The following ALG9 variants were observed in gnomAD, a reference collection of about 807,000 sequenced individuals.
ALG9 encodes alpha-1,2-mannosyltransferase ALG9.
ALG9 carries 55 observed loss-of-function variants against 81.8 expected under a neutral mutation model. The ratio of observed to expected loss-of-function variants is 0.67; its 90% CI spans 0.54 to 0.84. ALG9 has a LOEUF of 0.84. ALG9 is among the 40% of genes least tolerant of loss of function. ALG9 has a pLI of 0.00. For synonymous variants in ALG9, 278 were observed against 274.3 expected (o/e 1.01, Z -0.13); for missense variants, 629 against 745.0 (o/e 0.84, Z 1.81).
chr11:111,790,086 T>C (rs1565584839), intron 14 of ALG9, among the ~76,000 whole-genome samples: 1 of 151,968 alleles, frequency 6.6e-6, no homozygotes. Context: ...TCAAAAACAC[T>C]AACTAGCAGC....
chr11:111,870,516 G>T, intron 1 of ALG9, 146 bp from the exon 2 acceptor site: 1 of 1,140,450 alleles, frequency 8.8e-7, no homozygotes. Context: ...TGAATAGCTA[G>T]TTGTTTTTTC....
intron 9 of ALG9, 102 bp downstream of exon 9, chr11:111,844,499 G>A (rs1555126987): frequency 1.2e-5 from 18 of 1,524,398 alleles, no homozygotes; most frequent in Middle Eastern, 1.7e-4. Context: ...TCCATAGGAA[G>A]AATGTGGAAA....
chr11:111,852,182 CATAGCAG>C (rs1957934351), intron 8 of ALG9, among the ~76,000 whole-genome samples: 1 of 152,204 alleles, frequency 6.6e-6, no homozygotes, highest in African/African-American at 2.4e-5. Flanking sequence ...TAACCTGCTT[CATAGCAG>C]AACCCCAAAG....
intron 14 of ALG9, among the ~76,000 whole-genome samples, chr11:111,809,328 G>A (rs546792183): frequency 1.3e-5 from 2 of 152,042 alleles, no homozygotes; most frequent in South Asian, 4.2e-4. Flanking sequence ...CAGGAGTTGG[G>A]AGACCAGCCT....
At chr11:111,867,479 A>C (rs782720984) in intron 3 of ALG9, among the ~76,000 whole-genome samples, 1 of 152,234 alleles carries the variant, frequency 6.6e-6, no homozygotes, top group South Asian at 2.1e-4. Flanking sequence ...AAAAAGGAGA[A>C]GGTCTCAGTA....
At chr11:111,871,148 C>A in intron 1 of ALG9, 1 of 1,272,694 alleles carries the variant, frequency 7.9e-7, no homozygotes, top group Non-Finnish European at 9.9e-7. Flanking sequence ...AGTTTTACAG[C>A]GCAGTGGAGG....
chr11:111,848,982 A>T lies in ALG9; in HGVS notation c.896-4259T>A, dbSNP rs111441697. On this transcript the variant is annotated intron_variant, in intron 8 of 14. Coordinates refer to ENST00000616540, the MANE Select transcript of ALG9 (RefSeq NM_024740.2). ...CTATTTGTGTGTCTGCAGCCTAATT[A>T]GACAGTAAGTACTATGATGAAACAA... Among the ~76,000 whole-genome samples, 980 of 152,262 alleles carry T rather than the reference A, an allele frequency of 6.4e-3. 11 individuals are homozygous for T. The highest frequency in any genetic ancestry group is 0.022 in the African/African-American group (914 of 41,542).
intron 14 of ALG9, among the ~76,000 whole-genome samples, chr11:111,797,196 C>T (rs979124471): frequency 2.0e-5 from 3 of 152,244 alleles, no homozygotes; most frequent in Non-Finnish European, 4.4e-5. Context: ...AGCTATTCAA[C>T]TGGCTTGCTG....
intron 8 of ALG9, among the ~76,000 whole-genome samples, chr11:111,846,722 G>A (rs1343684230): frequency 2.6e-5 from 4 of 152,194 alleles, no homozygotes; most frequent in African/African-American, 9.7e-5. Flanking sequence ...GGAACAAAAA[G>A]AGTGACTTCT....
the ALG9 span, among the ~76,000 whole-genome samples, chr11:111,768,335 T>C: frequency 6.6e-6 from 1 of 152,230 alleles, no homozygotes; most frequent in Non-Finnish European, 1.5e-5. Context: ...AATTGAATAG[T>C]ATTCATTTTG....
At chr11:111,836,042 C>T in intron 13 of ALG9, 123 bp downstream of exon 13, 4 of 1,327,868 alleles carry the variant, frequency 3.0e-6, no homozygotes, top group Non-Finnish European at 4.3e-6. Flanking sequence ...AGCCACAGCA[C>T]CCGGCCTTAA....
At chr11:111,770,138 T>G in the ALG9 span, among the ~76,000 whole-genome samples, 111 of 152,264 alleles carry the variant, frequency 7.3e-4, no homozygotes, top group East Asian at 9.4e-3. Context: ...AAAAGGCTAG[T>G]TCAAAACCTG....
At chr11:111,794,060 T>C (rs1328314817) in intron 14 of ALG9, among the ~76,000 whole-genome samples, 1 of 152,214 alleles carries the variant, frequency 6.6e-6, no homozygotes, top group East Asian at 1.9e-4. Flanking sequence ...GGCAAAGCAA[T>C]TGCCTGCACA....
chr11:111,775,608 C>T, the ALG9 span, among the ~76,000 whole-genome samples: 15 of 152,178 alleles, frequency 9.9e-5, no homozygotes, highest in African/African-American at 3.1e-4. Flanking sequence ...AAAACTGAAA[C>T]AAGTGCCTGT....
chr11:111,870,382 C>CCAAAAAACAA lies in ALG9; in HGVS notation c.132-13_132-12insTTGTTTTTTG. 1 of 969,600 alleles carries CCAAAAAACAA rather than the reference C, an allele frequency of 1.0e-6. No individual in the cohort carries two copies. The highest frequency in any genetic ancestry group is 1.2e-6 in the Non-Finnish European group (1 of 800,854). The allele number at this position is 969,600 out of a possible 1,614,324, so 60.1% of individuals were successfully genotyped here. A position where few individuals can be genotyped will look rare whatever the true frequency, so the allele number is the denominator to read the frequency against. On this transcript the variant is annotated splice_polypyrimidine_tract_variant and intron_variant, in intron 1 of 14. Coordinates refer to ENST00000616540, the MANE Select transcript of ALG9 (RefSeq NM_024740.2). ...TGTTCCCAGATAACCTGTTCAAAAGCAAAAAAAAAAAAAAAAAAAAAAGCA... is the reference window on the plus strand; with the variant it reads ...TGTTCCCAGATAACCTGTTCAAAAGCCAAAAAACAAAAAAAAAAAAAAAAAAAAAAAAGCA...
intron 14 of ALG9, among the ~76,000 whole-genome samples, chr11:111,790,102 G>A (rs1293096092): frequency 3.3e-5 from 5 of 152,010 alleles, no homozygotes; most frequent in East Asian, 1.9e-4. Flanking sequence ...GCAGCCGGGC[G>A]CGGTGGCTCA....
At chr11:111,810,261 T>A (rs1242075390) in intron 13 of ALG9, among the ~76,000 whole-genome samples, 1 of 152,066 alleles carries the variant, frequency 6.6e-6, no homozygotes, top group Non-Finnish European at 1.5e-5. Flanking sequence ...CTTCAAATAT[T>A]CAATAGAATT....
rs782665461 is a variant in ALG9 at position 111,786,176 on chromosome 11, G to A, written c.*221C>T. 1.8e-5 allele frequency: 12 copies of A among 658,674 alleles called. No individual in the cohort carries two copies. Among genetic ancestry groups the A allele is most frequent in the Non-Finnish European group, 3.0e-5 (11 of 363,780 alleles). The allele number at this position is 658,674 out of a possible 1,614,324, so 40.8% of individuals were successfully genotyped here. A position where few individuals can be genotyped will look rare whatever the true frequency, so the allele number is the denominator to read the frequency against. ...GTGCTTTAGGGCCTTTCTCTGCCTA[G>A]CTGCAAAAAGTTTACATGCAGAACA... On this transcript the variant is annotated 3_prime_UTR_variant, in exon 15 of 15. Transcript: ENST00000616540.
intron 9 of ALG9, among the ~76,000 whole-genome samples, chr11:111,842,589 T>C (rs1956386763): frequency 6.6e-6 from 1 of 151,828 alleles, no homozygotes. Flanking sequence ...GCCCGGTTAA[T>C]TTTTTAATTT....
Sources: allele counts gnomAD v4.1 joint callset (sites outside exome capture counted in the v4.1 genomes callset), GRCh38; gene constraint gnomAD v4.1.1; transcripts MANE v1.5; gene names NCBI Gene and HGNC (gene_info 2026-07-23, HGNC 2026-07-21).